DCAF1: variants seen among roughly 807,000 people sequenced by gnomAD.
DCAF1 encodes DDB1 and CUL4 associated factor 1.
DCAF1 carries 15 observed loss-of-function variants against 128.0 expected under a neutral mutation model. That is an observed-to-expected ratio of 0.12 (90% confidence interval 0.08 to 0.18). DCAF1 has a LOEUF of 0.18. DCAF1 is among the 10% of genes least tolerant of loss of function. The pLI is 1.00. For missense variants in DCAF1, 988 were observed against 1,649.5 expected (o/e 0.60, Z 6.95); for synonymous variants, 610 against 603.0 (o/e 1.01, Z -0.17).
intron 3 of DCAF1, 50 bp from the exon 4 acceptor site, chr3:51,471,055 G>A (rs782707706): frequency 5.3e-5 from 66 of 1,252,114 alleles, no homozygotes; most frequent in Non-Finnish European, 3.2e-5. Flanking sequence ...TAAAAAAATG[G>A]ACCACCACTA....
At chr3:51,406,342 C>CAAA (rs782324969) in intron 23 of DCAF1, among the ~76,000 whole-genome samples, 32 of 47,974 alleles carry the variant, frequency 6.7e-4, no homozygotes, top group Admixed American at 1.2e-3. Flanking sequence ...GACTCTGTCT[C>CAAA]AAAAAAAAAA....
chr3:51,396,239 T>C (rs538620378), downstream of DCAF1: 10 of 275,712 alleles, frequency 3.6e-5, no homozygotes, highest in Admixed American at 4.3e-4. Context: ...AAAACGTGCC[T>C]AGAGAAGACA....
intron 2 of DCAF1, among the ~76,000 whole-genome samples, chr3:51,490,998 G>A (rs991507490): frequency 2.0e-5 from 3 of 147,872 alleles, no homozygotes; most frequent in South Asian, 2.1e-4. Context: ...TCTAAAATTC[G>A]TATGTAATTG....
chr3:51,422,051 A>T (rs1699444911), intron 14 of DCAF1, among the ~76,000 whole-genome samples: 1 of 151,958 alleles, frequency 6.6e-6, no homozygotes, highest in Admixed American at 6.6e-5. Flanking sequence ...CACTCAGAAA[A>T]CCTGAGTTTA....
At chr3:51,484,010 A>T (rs1706602579) in intron 2 of DCAF1, among the ~76,000 whole-genome samples, 174 bp from the exon 3 acceptor site, 1 of 152,182 alleles carries the variant, frequency 6.6e-6, no homozygotes, top group Non-Finnish European at 1.5e-5. Context: ...CGGGATACTC[A>T]TCAAGCCTAG....
chr3:51,477,080 T>TCAAAA (rs1407239613), intron 3 of DCAF1, among the ~76,000 whole-genome samples: 2 of 151,024 alleles, frequency 1.3e-5, no homozygotes, highest in African/African-American at 2.4e-5. Flanking sequence ...AGACTCCATC[T>TCAAAA]CAAAACAAAA....
chr3:51,444,544 G>A (rs1252818809), intron 6 of DCAF1, among the ~76,000 whole-genome samples: 1 of 152,042 alleles, frequency 6.6e-6, no homozygotes, highest in Non-Finnish European at 1.5e-5. Flanking sequence ...TAGAGACGGG[G>A]TTTCGCTATG....
At chr3:51,482,872 C>T (rs949854486) in intron 3 of DCAF1, among the ~76,000 whole-genome samples, 1 of 149,566 alleles carries the variant, frequency 6.7e-6, no homozygotes, top group Non-Finnish European at 1.5e-5. Context: ...CATGGTGGCT[C>T]ACACCTGTAA....
intron 2 of DCAF1, among the ~76,000 whole-genome samples, chr3:51,487,847 A>ACTAT (rs1707150811): frequency 6.7e-6 from 1 of 149,026 alleles, no homozygotes; most frequent in African/African-American, 2.5e-5. Context: ...AGCCTACCAA[A>ACTAT]CTATTTATTT....
intron 1 of DCAF1, among the ~76,000 whole-genome samples, chr3:51,499,411 G>C (rs1394019960): frequency 6.6e-6 from 1 of 152,204 alleles, no homozygotes; most frequent in Admixed American, 6.5e-5. Context: ...AGACGGGAGA[G>C]CCCGCCCAGG....
At chr3:51,483,609 T>TTG (rs57475291) in intron 3 of DCAF1, 110 bp downstream of exon 3, 176,525 of 472,122 alleles carry the variant, frequency 0.37, 16,847 homozygotes, top group Non-Finnish European at 0.41. Context: ...TTAAACTAGT[T>TTG]TGTGTGTGTG....
chr3:51,492,943 G>A (rs944878543), intron 2 of DCAF1, among the ~76,000 whole-genome samples: 18 of 151,882 alleles, frequency 1.2e-4, no homozygotes, highest in Admixed American at 9.9e-4. Context: ...GCAGTGAGCC[G>A]AGATCGCGCC....
intron 1 of DCAF1, among the ~76,000 whole-genome samples, chr3:51,498,376 GAA>G (rs1175129153): frequency 1.0e-4 from 8 of 77,840 alleles, no homozygotes; most frequent in African/African-American, 1.4e-4. Context: ...AAAGAAAAAA[GAA>G]AAAAAAAAAA....
At chr3:51,458,073 T>C (rs2107964032) in intron 6 of DCAF1, among the ~76,000 whole-genome samples, 1 of 152,334 alleles carries the variant, frequency 6.6e-6, no homozygotes, top group Admixed American at 6.5e-5. Flanking sequence ...ATGTTAACTT[T>C]AAATGTAAAT....
chr3:51,444,876 C>T lies in DCAF1; in HGVS notation c.376-973G>A, dbSNP rs1898302. 7.3e-3 allele frequency among the ~76,000 whole-genome samples: 1,093 copies of T among 149,174 alleles called. 9 individuals carry two copies. Among genetic ancestry groups the T allele is most frequent in the African/African-American group, 0.025 (1,015 of 40,418 alleles). On this transcript the variant is annotated intron_variant, in intron 6 of 24. Transcript: ENST00000684031. ...ATTTTTAGTAGAGACGGGGTTTCAC[C>T]GTGTTAGCCAGGATGGTCTCGATCT...
At chr3:51,450,143 C>T (rs1048079113) in intron 6 of DCAF1, among the ~76,000 whole-genome samples, 2 of 152,032 alleles carry the variant, frequency 1.3e-5, no homozygotes, top group Non-Finnish European at 2.9e-5. Flanking sequence ...GCTAGGAGTT[C>T]GAGACAAACT....
In DCAF1 at chr3:51,467,624, T is replaced by C. The variant is rs142965891; in HGVS notation, c.188-748A>G. Among the ~76,000 whole-genome samples, 860 of 152,142 alleles carry C rather than the reference T, an allele frequency of 5.7e-3. 5 individuals carry two copies. The highest frequency in any genetic ancestry group is 0.019 in the African/African-American group (798 of 41,498). On this transcript the variant is annotated intron_variant, in intron 4 of 24. Coordinates refer to ENST00000684031, the MANE Select transcript of DCAF1 (RefSeq NM_001387579.1). The stretch of plus-strand genomic sequence containing the variant: ...GTAACAAACCTGCACGTTGTGCACA[T>C]GTACCCTAGAACTTAAAGTATAATA...
Position 51,441,069 on chromosome 3 carries a change from T to G in DCAF1, c.1029A>C (p.Leu343=), listed in dbSNP as rs782129844. ...ATCCAAGTTGCATGAATATGGGAAG[T>G]AGCTGAAATGAACACCAAATACAAG... ...YLTPLGEYQE[L]LPIFMQLGSR... The change falls in exon 9 of 25, where the codon CTA becomes CTC. Residue 343 remains leucine, a splice_region_variant and synonymous_variant. Transcript: ENST00000684031. The G allele has an allele frequency of 6.2e-7, 1 of 1,608,934 alleles. No homozygotes were observed. The highest frequency in any genetic ancestry group is 8.5e-7 in the Non-Finnish European group (1 of 1,177,542).
intron 4 of DCAF1, 103 bp from the exon 5 acceptor site, chr3:51,466,979 T>TA: frequency 1.2e-6 from 1 of 861,404 alleles, no homozygotes; most frequent in Non-Finnish European, 1.9e-6. Context: ...TAAGCACTAA[T>TA]AAAATGCCAG....
Sources: allele counts gnomAD v4.1 joint callset (sites outside exome capture counted in the v4.1 genomes callset), GRCh38; gene constraint gnomAD v4.1.1; transcripts MANE v1.5; gene names NCBI Gene and HGNC (gene_info 2026-07-23, HGNC 2026-07-21).